Variants in FYN observed in about 807,000 individuals in gnomAD.
The protein encoded by FYN is tyrosine-protein kinase Fyn.
In FYN, 10 loss-of-function variants were observed where a neutral mutation model predicts 70.2. That is an observed-to-expected ratio of 0.14 (90% CI 0.09 to 0.24). The LOEUF (loss-of-function observed/expected upper bound fraction) is 0.24. Among genes scored for constraint, FYN ranks in the 10% least tolerant of loss-of-function variants. The pLI is 1.00. For missense variants in FYN, 319 were observed against 673.1 expected, an observed-to-expected ratio of 0.47 and a Z score of 5.82; for synonymous variants, 236 against 248.6, an observed-to-expected ratio of 0.95 and a Z score of 0.48.
At chr6:111,787,492 G>A (rs1012984558) in intron 2 of FYN, among the ~76,000 whole-genome samples, 4 of 152,268 alleles carry the variant, frequency 2.6e-5, no homozygotes, top group Admixed American at 2.6e-4. Context: ...TTGAAGTCAG[G>A]TAGCGTGATG....
intron 2 of FYN, among the ~76,000 whole-genome samples, chr6:111,827,037 T>G (rs1457404844): frequency 6.6e-6 from 1 of 152,156 alleles, no homozygotes; most frequent in African/African-American, 2.4e-5. Flanking sequence ...CCAGCTCATC[T>G]CAGTGCTTCC....
intron 2 of FYN, among the ~76,000 whole-genome samples, chr6:111,808,168 C>T (rs1772212367): frequency 6.6e-6 from 1 of 152,122 alleles, no homozygotes; most frequent in Admixed American, 6.5e-5. Flanking sequence ...CCCTCTGGAA[C>T]CACTCAGCTT....
At chr6:111,719,657 CA>C in intron 4 of FYN, 147 bp downstream of exon 4, 1 of 904,720 alleles carries the variant, frequency 1.1e-6, no homozygotes, top group Non-Finnish European at 1.6e-6. Context: ...GCTTTTCTTA[CA>C]ACCCCTCATC....
rs367544037 is a variant in FYN, at chr6:111,700,076, A to G, written c.862+28T>C. The G allele has an allele frequency of 5.1e-4, 818 of 1,608,636 alleles. 8 individuals carry two copies. The South Asian group carries it at 8.2e-3, about 16-fold the overall frequency. On this transcript the variant is annotated intron_variant, in intron 9 of 13. Transcript: ENST00000354650. ...TGGGATCTTCCAAACGGGGAAGCTA[A>G]TAAGAGAGTAATTGAGTCTCAGCAT...
chr6:111,706,935 A>C (rs933002029), intron 6 of FYN, among the ~76,000 whole-genome samples: 1 of 152,246 alleles, frequency 6.6e-6, no homozygotes, highest in Non-Finnish European at 1.5e-5. Context: ...TGAGTATTTG[A>C]GAGTGGGAAA....
intron 5 of FYN, among the ~76,000 whole-genome samples, chr6:111,709,865 A>G (rs1004566989): frequency 6.6e-6 from 1 of 152,226 alleles, no homozygotes; most frequent in Non-Finnish European, 1.5e-5. Flanking sequence ...AAATCATGAC[A>G]TTAAAAATGT....
chr6:111,817,958 G>T (rs1272790034), intron 2 of FYN, among the ~76,000 whole-genome samples: 1 of 152,128 alleles, frequency 6.6e-6, no homozygotes, highest in African/African-American at 2.4e-5. Flanking sequence ...CAAGAGTCAG[G>T]GCCAACAAAT....
At chr6:111,729,280 C>T (rs1801337203) in intron 3 of FYN, among the ~76,000 whole-genome samples, 1 of 152,094 alleles carries the variant, frequency 6.6e-6, no homozygotes, top group Non-Finnish European at 1.5e-5. Context: ...TCAAGACCAG[C>T]CTAGCCAACA....
At chr6:111,818,268 C>T (rs1350119446) in intron 2 of FYN, among the ~76,000 whole-genome samples, 1 of 152,196 alleles carries the variant, frequency 6.6e-6, no homozygotes, top group Non-Finnish European at 1.5e-5. Context: ...TACCACTTCC[C>T]TTCATGCAAT....
intron 13 of FYN, among the ~76,000 whole-genome samples, chr6:111,662,516 G>T (rs1797798226): frequency 6.6e-6 from 1 of 152,140 alleles, no homozygotes; most frequent in African/African-American, 2.4e-5. Context: ...GTATGGGGTG[G>T]TGTGACTGTT....
At chr6:111,821,191 A>C (rs1295373290) in intron 2 of FYN, among the ~76,000 whole-genome samples, 1 of 151,966 alleles carries the variant, frequency 6.6e-6, no homozygotes, top group Non-Finnish European at 1.5e-5. Context: ...TCCTAAGCCA[A>C]AAGAACAAAG....
intron 2 of FYN, among the ~76,000 whole-genome samples, chr6:111,790,085 T>C (rs1771554624): frequency 7.0e-6 from 1 of 143,144 alleles, no homozygotes; most frequent in South Asian, 2.1e-4. Context: ...TTCTTTAGTA[T>C]CAGAACTGTG....
chr6:111,766,675 C>G (rs1803240061), intron 3 of FYN, among the ~76,000 whole-genome samples: 1 of 152,114 alleles, frequency 6.6e-6, no homozygotes, highest in South Asian at 2.1e-4. Flanking sequence ...CACGTGATGG[C>G]AGGAAGGAGA....
At chr6:111,787,257 G>T (rs1439005068) in intron 2 of FYN, among the ~76,000 whole-genome samples, 1 of 152,172 alleles carries the variant, frequency 6.6e-6, no homozygotes, top group Non-Finnish European at 1.5e-5. Flanking sequence ...GTGTTAGGAA[G>T]GGATCCAGTT....
intron 2 of FYN, among the ~76,000 whole-genome samples, chr6:111,829,659 C>T (rs1410679827): frequency 6.6e-6 from 1 of 152,226 alleles, no homozygotes; most frequent in African/African-American, 2.4e-5. Flanking sequence ...GATTTTACTG[C>T]TGTCTGACCT....
rs45490695 is a variant in FYN, at chr6:111,873,308, C to G, written c.-463G>C. 6.6e-6 allele frequency: 1 copy of G among 151,220 alleles called. No homozygotes were observed. Among genetic ancestry groups the G allele is most frequent in the African/African-American group, 2.4e-5 (1 of 41,316 alleles). The allele number at this position is 151,220 out of a possible 1,614,324, so 9.4% of individuals were successfully genotyped here. A position where few individuals can be genotyped will look rare whatever the true frequency, so the allele number is the denominator to read the frequency against. On this transcript the variant is annotated 5_prime_UTR_variant, in exon 1 of 14. Transcript: ENST00000354650. ...TCGCCGCCGGGCGGCGGGCGGGTCT[C>G]GAAGGCCTTCGGCTCGCGGCGACCC...
In FYN at chr6:111,719,945, G is replaced by A; in HGVS notation, c.107C>T (p.Pro36Leu). 1 of 1,614,198 alleles carries A rather than the reference G, an allele frequency of 6.2e-7. No homozygotes were observed. Among genetic ancestry groups the A allele is most frequent in the Non-Finnish European group, 8.5e-7 (1 of 1,180,036 alleles). ...CACACCGAAGCTGGGGTAGTGCTGA[G>A]GGGTGGGGTCTGTGCCATAGCGGTA... ...SGYRYGTDPT[P>L]QHYPSFGVTS... is the part of the protein sequence containing the mutation. The change falls in exon 4 of 14, where the codon CCT becomes CTT. Residue 36 changes from proline to leucine, a missense_variant. This residue lies in a region of FYN where 128 missense variants were observed against 183.9 expected (regional missense o/e 0.70). Transcript: ENST00000354650.
At chr6:111,851,992 C>T (rs1303437620) in intron 1 of FYN, among the ~76,000 whole-genome samples, 1 of 151,764 alleles carries the variant, frequency 6.6e-6, no homozygotes, top group African/African-American at 2.4e-5. Context: ...CCATGTGGCC[C>T]AACAAAACAT....
intron 3 of FYN, among the ~76,000 whole-genome samples, chr6:111,739,919 G>A (rs548258172): frequency 6.6e-6 from 1 of 152,260 alleles, no homozygotes; most frequent in East Asian, 1.9e-4. Flanking sequence ...TGTCTCCTGG[G>A]TTCAAATAAT....
Sources: gnomAD v4.1 joint callset for allele counts (sites outside exome capture counted in the v4.1 genomes callset) on GRCh38, gnomAD v4.1.1 for gene constraint, gnomAD v4.1.1 regional missense constraint, MANE v1.5 for transcripts, NCBI Gene and HGNC (gene_info 2026-07-23, HGNC 2026-07-21) for gene names.